The following CNIH3 variants were observed in gnomAD, a reference collection of about 807,000 sequenced individuals.
The protein encoded by CNIH3 is protein cornichon homolog 3.
CNIH3 carries 14 observed loss-of-function variants against 24.1 expected under a neutral mutation model. The observed-to-expected ratio is 0.58, with a 90% confidence interval of 0.38 to 0.91. The LOEUF (loss-of-function observed/expected upper bound fraction) is 0.91. CNIH3 is among the 40% of genes least tolerant of loss of function. The pLI is 0.00. For missense variants in CNIH3, 178 were observed against 196.8 expected, an observed-to-expected ratio of 0.90 and a Z score of 0.57; for synonymous variants, 68 against 73.8, an observed-to-expected ratio of 0.92 and a Z score of 0.40.
intron 1 of CNIH3, among the ~76,000 whole-genome samples, chr1:224,465,146 G>T (rs1042193651): frequency 2.7e-5 from 4 of 147,576 alleles, no homozygotes; most frequent in African/African-American, 5.0e-5. Context: ...TTTCGCTCTT[G>T]TTGCCCAGGC....
At chr1:224,495,340 A>G (rs963209979) in intron 1 of CNIH3, among the ~76,000 whole-genome samples, 1 of 152,190 alleles carries the variant, frequency 6.6e-6, no homozygotes, top group South Asian at 2.1e-4. Context: ...TGTCAATCCA[A>G]TATGATTTTT....
rs73130917 is a variant in CNIH3, at chr1:224,685,255, G to A, written c.198+412G>A. Reference sequence around the variant, plus strand: ...GCTGGGTTTCCTTTGAGGTTGCAGCGTGTCACGCAGCTTTGCAATTTGATT... The same window carrying A: ...GCTGGGTTTCCTTTGAGGTTGCAGCATGTCACGCAGCTTTGCAATTTGATT... On this transcript the variant is annotated intron_variant, in intron 3 of 5. Coordinates refer to ENST00000272133, the MANE Select transcript of CNIH3 (RefSeq NM_152495.2). Among the ~76,000 whole-genome samples the A allele has an allele frequency of 5.0e-3, 758 of 152,280 alleles. 8 individuals carry two copies. Among genetic ancestry groups the A allele is most frequent in the African/African-American group, 0.017 (702 of 41,550 alleles).
At chr1:224,439,208 C>T (rs534891398) in intron 1 of CNIH3, among the ~76,000 whole-genome samples, 21 of 152,306 alleles carry the variant, frequency 1.4e-4, no homozygotes, top group African/African-American at 4.8e-4. Flanking sequence ...TCCATTCATG[C>T]CATGGGCATT....
chr1:224,653,088 C>T (rs1338684404), intron 1 of CNIH3, among the ~76,000 whole-genome samples: 4 of 152,216 alleles, frequency 2.6e-5, no homozygotes, highest in Non-Finnish European at 4.4e-5. Context: ...CTACATATTC[C>T]TTGTCAACCA....
At chr1:224,512,104 G>A (rs557119692), upstream of CNIH3, among the ~76,000 whole-genome samples, 306 of 152,010 alleles carry the variant, frequency 2.0e-3, 2 homozygotes, top group African/African-American at 6.9e-3. Flanking sequence ...GAACCCTGGA[G>A]GTGGAGGTTG....
rs1365411912 is a variant in CNIH3 at position 224,616,533 on chromosome 1, G to A, written c.-642G>A. The A allele has an allele frequency of 1.0e-6, 1 of 986,716 alleles. No individual in the cohort carries two copies. The highest frequency in any genetic ancestry group is 1.1e-4 in the East Asian group (1 of 8,862). The allele number at this position is 986,716 out of a possible 1,614,324, so 61.1% of individuals were successfully genotyped here. ...CACGGTTGGGGACGGGCGCGCCTCG[G>A]AGCGCACGGCTGCGCTGGAAGCCGC... On this transcript the variant is annotated 5_prime_UTR_variant, in exon 1 of 6. Transcript: ENST00000272133.
At chr1:224,591,415 T>C (rs1351774991), downstream of CNIH3, among the ~76,000 whole-genome samples, 1 of 152,232 alleles carries the variant, frequency 6.6e-6, no homozygotes, top group African/African-American at 2.4e-5. Context: ...TCAACTTCTC[T>C]ATGTACCTCT....
downstream of CNIH3, among the ~76,000 whole-genome samples, chr1:224,589,538 C>T (rs1681661157): frequency 6.6e-6 from 1 of 152,202 alleles, no homozygotes; most frequent in Non-Finnish European, 1.5e-5. Context: ...CTGCTTTTTG[C>T]ATGAATTGTT....
At chr1:224,580,199 C>G (rs888555556) in intron 4 of CNIH3, among the ~76,000 whole-genome samples, 1 of 152,114 alleles carries the variant, frequency 6.6e-6, no homozygotes, top group African/African-American at 2.4e-5. Flanking sequence ...GAGTCAGACC[C>G]CTTATATTTG....
chr1:224,635,614 G>A (rs1183779398), intron 1 of CNIH3, among the ~76,000 whole-genome samples: 2 of 152,220 alleles, frequency 1.3e-5, no homozygotes, highest in Non-Finnish European at 2.9e-5. Context: ...CCTCGGCCTT[G>A]GACATGAGCA....
chr1:224,670,494 A>C (rs375293676), intron 1 of CNIH3, among the ~76,000 whole-genome samples: 2 of 152,168 alleles, frequency 1.3e-5, no homozygotes, highest in Non-Finnish European at 2.9e-5. Context: ...GTCCCCACTC[A>C]TGATGAGGGT....
intron 1 of CNIH3, among the ~76,000 whole-genome samples, chr1:224,507,920 A>G (rs1677984951): frequency 6.6e-6 from 1 of 152,232 alleles, no homozygotes; most frequent in Non-Finnish European, 1.5e-5. Flanking sequence ...TTGATACCTG[A>G]GGGCAAGGGG....
chr1:224,463,773 A>ATTTTTTTTTT lies in CNIH3; in HGVS notation n.203+28938_203+28947dup, dbSNP rs56137320. Among the ~76,000 whole-genome samples the ATTTTTTTTTT allele has an allele frequency of 2.1e-3, 43 of 20,728 alleles. 11 individuals are homozygous for ATTTTTTTTTT. Among genetic ancestry groups the ATTTTTTTTTT allele is most frequent in the African/African-American group, 8.4e-3 (33 of 3,910 alleles). 13.6% of individuals were successfully genotyped at this position (20,728 alleles called of 152,430 possible). A position where few individuals can be genotyped will look rare whatever the true frequency, so the allele number is the denominator to read the frequency against. On this transcript the variant is annotated intron_variant and non_coding_transcript_variant, in intron 1 of 5. Transcript: ENST00000471578. ...TTCTCCCAGCTTATGAATTGTCCTC[A>ATTTTTTTTTT]TTTTTTTTTTTTTTTTTTTTTTTTT...
chr1:224,531,674 G>C (rs1199384861), intron 2 of CNIH3, among the ~76,000 whole-genome samples: 2 of 152,232 alleles, frequency 1.3e-5, no homozygotes, highest in African/African-American at 4.8e-5. Flanking sequence ...GCAGGGGTGT[G>C]ACATGATTGG....
chr1:224,450,182 A>G (rs1315537551), intron 1 of CNIH3, among the ~76,000 whole-genome samples: 1 of 152,202 alleles, frequency 6.6e-6, no homozygotes. Flanking sequence ...CTTTACTTCC[A>G]TGGAGCTTAT....
At chr1:224,484,672 T>C (rs1676958435) in intron 1 of CNIH3, among the ~76,000 whole-genome samples, 1 of 152,210 alleles carries the variant, frequency 6.6e-6, no homozygotes, top group Non-Finnish European at 1.5e-5. Flanking sequence ...ATTAGGCTGC[T>C]TACAACTCAT....
chr1:224,443,054 C>T (rs962826293), intron 1 of CNIH3, among the ~76,000 whole-genome samples: 1 of 152,138 alleles, frequency 6.6e-6, no homozygotes, highest in Non-Finnish European at 1.5e-5. Flanking sequence ...TACCTGAATG[C>T]TTTGTACCAA....
chr1:224,499,639 A>G (rs1049146975), intron 1 of CNIH3, among the ~76,000 whole-genome samples: 1 of 152,198 alleles, frequency 6.6e-6, no homozygotes, highest in Admixed American at 6.5e-5. Flanking sequence ...TTAACCCTCT[A>G]ATACCTTTCT....
chr1:224,607,398 A>T (rs147198410), intron 3 of CNIH3, among the ~76,000 whole-genome samples: 1 of 152,346 alleles, frequency 6.6e-6, no homozygotes, highest in Non-Finnish European at 1.5e-5. Flanking sequence ...GGGAAAGAAG[A>T]AGAAGAAAAA....
Sources: gnomAD v4.1 joint callset for allele counts (sites outside exome capture counted in the v4.1 genomes callset) on GRCh38, gnomAD v4.1.1 for gene constraint, MANE v1.5 for transcripts, NCBI Gene and HGNC (gene_info 2026-07-23, HGNC 2026-07-21) for gene names.